Variants in PTPN13 observed in about 807,000 individuals in gnomAD.
PTPN13 encodes the protein protein tyrosine phosphatase non-receptor type 13.
Under a neutral mutation model 284.0 loss-of-function variants are expected in PTPN13, and 191 were observed. That is an observed-to-expected ratio of 0.67 (90% CI 0.60 to 0.76). PTPN13 has a LOEUF of 0.76. Ranked by LOEUF, PTPN13 falls within the 30% of genes least tolerant of loss-of-function variation. PTPN13 has a pLI of 0.00. For missense variants in PTPN13, 2,797 were observed against 2,939.9 expected (o/e 0.95, Z 1.12); for synonymous variants, 986 against 1,022.3 (o/e 0.96, Z 0.68).
At chr4:86,721,602 A>G (rs959656725) in intron 9 of PTPN13, among the ~76,000 whole-genome samples, 7 of 152,026 alleles carry the variant, frequency 4.6e-5, no homozygotes, top group Non-Finnish European at 8.8e-5. Context: ...GGCTCCTAAC[A>G]CCCAAGAGAC....
rs780010169 is a variant in PTPN13, at chr4:86,701,723, G to A, written c.1117G>A (p.Ala373Thr). ...YHTRELPTSS[A>T]ISSALDRIRE... Reference sequence around the variant, plus strand: ...CACTCGAGAATTGCCCACCTCCTCAGCAATATCAAGTGCTTTGGACCGAAT... The same window carrying A: ...CACTCGAGAATTGCCCACCTCCTCAACAATATCAAGTGCTTTGGACCGAAT... The change falls in exon 7 of 48, where the codon GCA becomes ACA. Residue 373 changes from alanine (A) to threonine (T), a missense_variant. Coordinates refer to ENST00000411767, the MANE Select transcript of PTPN13 (RefSeq NM_080683.3). 10 of 1,613,836 alleles carry A rather than the reference G, an allele frequency of 6.2e-6. No homozygotes were observed. In the South Asian group the frequency reaches 1.1e-4, roughly 18 times the overall value.
intron 3 of PTPN13, among the ~76,000 whole-genome samples, chr4:86,683,416 G>A (rs921116465): frequency 1.3e-5 from 2 of 152,184 alleles, no homozygotes; most frequent in African/African-American, 4.8e-5. Flanking sequence ...AAACACTGAT[G>A]TTCCAGTTCT....
chr4:86,648,151 G>GT lies in PTPN13; in HGVS notation c.115+12781dup, dbSNP rs1254271257. Among the ~76,000 whole-genome samples the GT allele has an allele frequency of 1.1e-4, 17 of 152,018 alleles. No individual in the cohort carries two copies. In the East Asian group the frequency reaches 1.9e-3, roughly 17 times the overall value. ...GTACATGTGATATTTTGAAAAAAGCGTACTCTGTGTAATGGTCAAGTCAGG... is the reference window on the plus strand; with the variant it reads ...GTACATGTGATATTTTGAAAAAAGCGTTACTCTGTGTAATGGTCAAGTCAGG... On this transcript the variant is annotated intron_variant, in intron 2 of 47. Coordinates refer to ENST00000411767, the MANE Select transcript of PTPN13 (RefSeq NM_080683.3).
At chr4:86,615,672 A>T (rs1381657570) in intron 1 of PTPN13, among the ~76,000 whole-genome samples, 1 of 152,118 alleles carries the variant, frequency 6.6e-6, no homozygotes, top group Non-Finnish European at 1.5e-5. Context: ...CTGCTTAACC[A>T]CTTAAGGACA....
chr4:86,689,738 T>G (rs1729830785), intron 5 of PTPN13: 1 of 702,284 alleles, frequency 1.4e-6, no homozygotes, highest in Non-Finnish European at 2.6e-6. Flanking sequence ...CTTCTAGTTT[T>G]TCTCTTGTTT....
intron 7 of PTPN13, among the ~76,000 whole-genome samples, chr4:86,705,783 G>T (rs1255483479): frequency 6.6e-6 from 1 of 151,308 alleles, no homozygotes; most frequent in East Asian, 1.9e-4. Context: ...TTTTCATCAT[G>T]GATTTTCAGA....
chr4:86,697,107 A>C (rs1308430850), intron 6 of PTPN13, among the ~76,000 whole-genome samples: 1 of 152,168 alleles, frequency 6.6e-6, no homozygotes, highest in African/African-American at 2.4e-5. Context: ...AAAAAAAATT[A>C]TCTCTTGAAG....
At chr4:86,693,511 C>T in intron 5 of PTPN13, 76 bp from the exon 6 acceptor site, 1 of 880,524 alleles carries the variant, frequency 1.1e-6, no homozygotes, top group East Asian at 2.7e-5. Flanking sequence ...TAACTAGTGT[C>T]ATTCTGTAAA....
At chr4:86,736,934 C>T (rs1030533682) in intron 15 of PTPN13, among the ~76,000 whole-genome samples, 1 of 152,188 alleles carries the variant, frequency 6.6e-6, no homozygotes, top group Non-Finnish European at 1.5e-5. Flanking sequence ...GAAGTTTTAT[C>T]TTGTTAACAC....
intron 1 of PTPN13, among the ~76,000 whole-genome samples, chr4:86,623,500 G>A (rs1398677988): frequency 1.3e-5 from 2 of 152,096 alleles, no homozygotes; most frequent in African/African-American, 4.8e-5. Flanking sequence ...TGTCAACTTG[G>A]CATTCATATG....
chr4:86,713,223 C>T (rs1732636609), intron 7 of PTPN13, among the ~76,000 whole-genome samples: 2 of 151,956 alleles, frequency 1.3e-5, no homozygotes, highest in Admixed American at 1.3e-4. Context: ...GTCTTATTGT[C>T]CTGTATGTTG....
intron 47 of PTPN13, among the ~76,000 whole-genome samples, chr4:86,813,348 C>G (rs1199999939): frequency 2.0e-5 from 3 of 152,208 alleles, no homozygotes; most frequent in African/African-American, 7.2e-5. Context: ...GCACCATCAA[C>G]TTAATAGAAA....
intron 10 of PTPN13, among the ~76,000 whole-genome samples, chr4:86,730,811 C>A (rs538204918): frequency 6.6e-6 from 1 of 152,188 alleles, no homozygotes; most frequent in Non-Finnish European, 1.5e-5. Flanking sequence ...ATTGCTGCAC[C>A]CACTGTCCAA....
chr4:86,605,142 A>C (rs752996010), intron 1 of PTPN13, among the ~76,000 whole-genome samples: 2 of 152,002 alleles, frequency 1.3e-5, no homozygotes, highest in Non-Finnish European at 2.9e-5. Flanking sequence ...AAGGATGAGG[A>C]CAGAGAAGGG....
intron 2 of PTPN13, among the ~76,000 whole-genome samples, chr4:86,654,206 A>G (rs7668637): frequency 6.6e-6 from 1 of 152,192 alleles, no homozygotes; most frequent in Non-Finnish European, 1.5e-5. Context: ...ACACAAAAAA[A>G]CCCTTCAAAA....
intron 3 of PTPN13, among the ~76,000 whole-genome samples, chr4:86,673,855 T>C (rs1727978430): frequency 6.6e-6 from 1 of 152,060 alleles, no homozygotes; most frequent in African/African-American, 2.4e-5. Flanking sequence ...TACGGGCACA[T>C]GCCAGCACAC....
Position 86,635,363 on chromosome 4 carries a change from T to C in PTPN13, c.107T>C (p.Phe36Ser). The change falls in exon 2 of 48, where the codon TTC becomes TCC. Residue 36 changes from phenylalanine (F) to serine (S), a missense_variant. Phe to Ser is a radical substitution (Grantham distance 155). Transcript: ENST00000411767. ...AGTGCTGAAAGTCTCCAAGAATTATTCAGAAAAGGTAAGCTGCTGCTGCTG... is the reference window on the plus strand; with the variant it reads ...AGTGCTGAAAGTCTCCAAGAATTATCCAGAAAAGGTAAGCTGCTGCTGCTG... ...NQSAESLQELFRKVSLADPAA... is the reference protein window; with the variant it reads ...NQSAESLQELSRKVSLADPAA... 1 of 1,594,672 alleles carries C rather than the reference T, an allele frequency of 6.3e-7. No individual in the cohort carries two copies. The highest frequency in any genetic ancestry group is 8.5e-7 in the Non-Finnish European group (1 of 1,170,464).
chr4:86,777,330 T>C (rs1457840863), intron 35 of PTPN13, among the ~76,000 whole-genome samples: 1 of 152,138 alleles, frequency 6.6e-6, no homozygotes, highest in Non-Finnish European at 1.5e-5. Context: ...CACTTCCATC[T>C]TCAAAGCTAG....
At chr4:86,758,885 A>T in intron 22 of PTPN13, 57 bp from the exon 23 acceptor site, 1 of 1,589,520 alleles carries the variant, frequency 6.3e-7, no homozygotes, top group Non-Finnish European at 8.6e-7. Context: ...GATATTTCTA[A>T]GATTCAGAAT....
Sources: gnomAD v4.1 joint callset for allele counts (sites outside exome capture counted in the v4.1 genomes callset) on GRCh38, gnomAD v4.1.1 for gene constraint, MANE v1.5 for transcripts, NCBI Gene and HGNC (gene_info 2026-07-23, HGNC 2026-07-21) for gene names.